SYNE2: variants seen among roughly 807,000 people sequenced by gnomAD.
SYNE2 encodes the protein nesprin-2.
A neutral mutation model predicts 856.3 loss-of-function variants in SYNE2; 431 were observed. The ratio of observed to expected loss-of-function variants is 0.50; its 90% CI spans 0.47 to 0.55. The LOEUF is 0.55. SYNE2 is among the 20% of genes least tolerant of loss of function. The pLI is 0.00. For synonymous variants in SYNE2, 2,923 were observed against 2,872.3 expected, an observed-to-expected ratio of 1.02 and a Z score of -0.56; for missense variants, 8,129 against 8,023.2, an observed-to-expected ratio of 1.01 and a Z score of -0.50.
intron 6 of SYNE2, among the ~76,000 whole-genome samples, chr14:63,945,785 C>T (rs1175163370): frequency 6.6e-6 from 1 of 152,076 alleles, no homozygotes; most frequent in Non-Finnish European, 1.5e-5. Flanking sequence ...TCACTATGCC[C>T]AGCTAATTCT....
chr14:63,842,199 G>A (rs1316824936), intron 1 of SYNE2, among the ~76,000 whole-genome samples: 1 of 151,560 alleles, frequency 6.6e-6, no homozygotes, highest in Non-Finnish European at 1.5e-5. Flanking sequence ...TTGAGACAGA[G>A]TCTCACTCTG....
chr14:64,190,346 T>C, intron 99 of SYNE2, 109 bp downstream of exon 99: 1 of 1,467,352 alleles, frequency 6.8e-7, no homozygotes, highest in East Asian at 2.3e-5. Context: ...TTTATAAGTT[T>C]ACAGATTAAG....
intron 21 of SYNE2, among the ~76,000 whole-genome samples, chr14:63,992,532 C>T (rs929744603): frequency 1.1e-4 from 17 of 152,188 alleles, no homozygotes; most frequent in Non-Finnish European, 1.6e-4. Flanking sequence ...CCTCCCATGT[C>T]GGTCTCCCAA....
chr14:63,767,746 T>C (rs553398879), intron 1 of SYNE2, among the ~76,000 whole-genome samples: 27 of 152,316 alleles, frequency 1.8e-4, no homozygotes, highest in African/African-American at 6.3e-4. Context: ...CACCCTCATA[T>C]TCTATCTTTT....
chr14:63,911,282 C>T (rs1207575720), intron 2 of SYNE2, among the ~76,000 whole-genome samples: 6 of 152,158 alleles, frequency 3.9e-5, no homozygotes, highest in Non-Finnish European at 7.4e-5. Context: ...ATCCCCAGGA[C>T]GATTAGAATC....
intron 28 of SYNE2, 62 bp from the exon 29 acceptor site, chr14:64,001,872 C>T (rs866048954): frequency 3.9e-6 from 6 of 1,557,630 alleles, no homozygotes; most frequent in Non-Finnish European, 4.4e-6. Context: ...TTGTGTTAAT[C>T]AGTTTCATAG....
At chr14:63,814,809 C>CAT (rs1462104340) in intron 1 of SYNE2, among the ~76,000 whole-genome samples, 1 of 62,864 alleles carries the variant, frequency 1.6e-5, no homozygotes, top group East Asian at 3.5e-4. Context: ...CATATATATC[C>CAT]ATATATATAT....
intron 1 of SYNE2, among the ~76,000 whole-genome samples, chr14:63,882,510 G>A (rs181532429): frequency 6.6e-6 from 1 of 151,320 alleles, no homozygotes; most frequent in African/African-American, 2.4e-5. Flanking sequence ...CAGTCCAGGA[G>A]TTCGAGACCA....
intron 1 of SYNE2, among the ~76,000 whole-genome samples, chr14:63,908,781 T>G (rs1196091465): frequency 1.3e-5 from 2 of 152,208 alleles, no homozygotes; most frequent in African/African-American, 2.4e-5. Context: ...GTGTCAACTT[T>G]CCTTCCTCTA....
chr14:64,070,795 C>G lies in SYNE2; in HGVS notation c.10582C>G (p.Leu3528Val), dbSNP rs374649578. The change falls in exon 52 of 116, where the codon CTG becomes GTG. Residue 3528 changes from leucine to valine, a missense_variant. Transcript: ENST00000555002. The stretch of plus-strand genomic sequence containing the variant: ...GAACGTGGAGAAGCAACAGCTGTTA[C>G]TGACTCTACTTCTTCAGCGCATCAG... ...GENVEKQQLL[L>V]TLLLQRIRSI... 650 of 1,614,196 alleles carry G rather than the reference C, an allele frequency of 4.0e-4. 8 individuals are homozygous for G. The South Asian group carries it at 6.3e-3, about 16-fold the overall frequency.
chr14:63,842,297 G>A (rs369643710), intron 1 of SYNE2, among the ~76,000 whole-genome samples: 20 of 151,898 alleles, frequency 1.3e-4, no homozygotes, highest in East Asian at 5.8e-4. Context: ...CCAGACTCAC[G>A]AGTAGCTGGG....
chr14:64,167,693 G>A, intron 92 of SYNE2, 54 bp downstream of exon 92: 1 of 1,612,310 alleles, frequency 6.2e-7, no homozygotes, highest in African/African-American at 1.3e-5. Flanking sequence ...CAGGAGTCAG[G>A]GAAAGATAGC....
chr14:64,135,341 G>A (rs140449558), intron 78 of SYNE2, among the ~76,000 whole-genome samples: 24 of 152,284 alleles, frequency 1.6e-4, no homozygotes, highest in African/African-American at 5.3e-4. Flanking sequence ...TCTTTTCCAT[G>A]GAGGTATTTT....
intron 1 of SYNE2, among the ~76,000 whole-genome samples, chr14:63,814,486 T>A (rs1888761577): frequency 1.0e-4 from 4 of 39,172 alleles, no homozygotes; most frequent in African/African-American, 1.4e-4. Flanking sequence ...TATATATCCT[T>A]ATATATATCC....
intron 1 of SYNE2, among the ~76,000 whole-genome samples, chr14:63,875,848 C>A (rs2094703156): frequency 6.6e-6 from 1 of 152,144 alleles, no homozygotes; most frequent in African/African-American, 2.4e-5. Flanking sequence ...CGTCACTGCC[C>A]AGGTGGAAGA....
intron 1 of SYNE2, among the ~76,000 whole-genome samples, chr14:63,769,537 G>A (rs1313111754): frequency 2.0e-5 from 3 of 151,992 alleles, no homozygotes; most frequent in East Asian, 1.9e-4. Context: ...GCGTGGTGGC[G>A]GGCGCCGGTA....
At chr14:64,059,706 G>T (rs924304542) in intron 49 of SYNE2, among the ~76,000 whole-genome samples, 5 of 152,328 alleles carry the variant, frequency 3.3e-5, no homozygotes, top group African/African-American at 1.2e-4. Context: ...AAGGCCCTTG[G>T]GCTCTACAAT....
At chr14:64,117,521 T>C (rs2097861547) in intron 66 of SYNE2, among the ~76,000 whole-genome samples, 1 of 152,114 alleles carries the variant, frequency 6.6e-6, no homozygotes, top group Non-Finnish European at 1.5e-5. Context: ...GGTCTCAAAC[T>C]CCTGGCCTCA....
chr14:63,859,914 TTC>T (rs963421807), intron 1 of SYNE2, among the ~76,000 whole-genome samples: 1 of 151,494 alleles, frequency 6.6e-6, no homozygotes, highest in Non-Finnish European at 1.5e-5. Context: ...TCTCTTTTCT[TTC>T]TCTCTCTCTT....
Sources: gnomAD v4.1 joint callset for allele counts (sites outside exome capture counted in the v4.1 genomes callset) on GRCh38, gnomAD v4.1.1 for gene constraint, MANE v1.5 for transcripts, NCBI Gene and HGNC (gene_info 2026-07-23, HGNC 2026-07-21) for gene names.